Variants in DGKB observed in about 807,000 individuals in gnomAD.
DGKB encodes 90 kDa diacylglycerol kinase.
A neutral mutation model predicts 114.3 loss-of-function variants in DGKB; 67 were observed. The observed-to-expected ratio is 0.59, with a 90% CI of 0.48 to 0.72. DGKB has a LOEUF of 0.72. Among genes scored for constraint, DGKB ranks in the 30% least tolerant of loss-of-function variants. The pLI is 0.00. For synonymous variants in DGKB, 398 were observed against 323.1 expected (o/e 1.23, Z -2.49); for missense variants, 907 against 975.2 (o/e 0.93, Z 0.93).
At chr7:14,698,391 A>G (rs1041070865) in intron 7 of DGKB, among the ~76,000 whole-genome samples, 1 of 152,140 alleles carries the variant, frequency 6.6e-6, no homozygotes, top group Non-Finnish European at 1.5e-5. Context: ...AGAAATTTTC[A>G]CCAGGAGAGG....
intron 23 of DGKB, among the ~76,000 whole-genome samples, chr7:14,310,706 T>C (rs1432985674): frequency 6.6e-6 from 1 of 152,184 alleles, no homozygotes; most frequent in Non-Finnish European, 1.5e-5. Flanking sequence ...AAGAACCTAA[T>C]AATACCAGGA....
At chr7:14,929,244 T>A (rs1466551611) in intron 1 of DGKB, among the ~76,000 whole-genome samples, 1 of 152,094 alleles carries the variant, frequency 6.6e-6, no homozygotes, top group Non-Finnish European at 1.5e-5. Context: ...TTTGGGTAGA[T>A]AACCAATAGT....
intron 1 of DGKB, among the ~76,000 whole-genome samples, chr7:14,912,114 T>C (rs1181733812): frequency 6.6e-6 from 1 of 152,178 alleles, no homozygotes; most frequent in Non-Finnish European, 1.5e-5. Flanking sequence ...GGCAACTTTG[T>C]TTCCAAGGCC....
chr7:14,243,965 A>T (rs1794038358), intron 23 of DGKB, among the ~76,000 whole-genome samples: 2 of 152,106 alleles, frequency 1.3e-5, no homozygotes, highest in Non-Finnish European at 2.9e-5. Flanking sequence ...TCTAAATCTA[A>T]ATCTAAATTT....
At position 14,187,299 on chromosome 7, in the gene DGKB, C is replaced by G. The variant is rs1783586488; in HGVS notation, c.2123-9148G>C. Among the ~76,000 whole-genome samples the G allele has an allele frequency of 2.0e-5, 3 of 152,282 alleles. No individual in the cohort carries two copies. The South Asian group carries it at 6.2e-4, about 32-fold the overall frequency. ...CCTGGCCCAACATCTGGTTCAGCAG[C>G]AGACAAACCTCCCTGGACAGATAGC... is the stretch of plus-strand genomic sequence containing the variant. On this transcript the variant is annotated intron_variant, in intron 23 of 25. Coordinates refer to ENST00000402815, the MANE Select transcript of DGKB (RefSeq NM_001350709.2).
chr7:14,258,039 T>C (rs538805183), intron 23 of DGKB, among the ~76,000 whole-genome samples: 2 of 152,280 alleles, frequency 1.3e-5, no homozygotes, highest in Admixed American at 6.5e-5. Flanking sequence ...GCCTAAACCC[T>C]TTTTCTTTAT....
intron 21 of DGKB, among the ~76,000 whole-genome samples, chr7:14,462,455 C>T (rs906837968): frequency 5.3e-5 from 8 of 152,112 alleles, no homozygotes; most frequent in African/African-American, 1.9e-4. Context: ...TTCCTATACA[C>T]CAATAATAGA....
At chr7:14,625,245 GA>G (rs1563715280) in intron 14 of DGKB, among the ~76,000 whole-genome samples, 2 of 152,170 alleles carry the variant, frequency 1.3e-5, no homozygotes, top group East Asian at 3.9e-4. Flanking sequence ...TTTCTTTGGG[GA>G]AAAATGCAAA....
intron 13 of DGKB, among the ~76,000 whole-genome samples, chr7:14,668,453 C>T (rs1046340438): frequency 6.6e-6 from 1 of 152,076 alleles, no homozygotes; most frequent in Non-Finnish European, 1.5e-5. Flanking sequence ...ACTCGGGCTC[C>T]ACTTCTAAAT....
chr7:14,486,117 A>G (rs1783769725), intron 20 of DGKB, among the ~76,000 whole-genome samples: 1 of 152,064 alleles, frequency 6.6e-6, no homozygotes, highest in African/African-American at 2.4e-5. Context: ...CACTCTTGTG[A>G]TTATGTTGCA....
chr7:14,335,782 C>T (rs528815488), intron 23 of DGKB, among the ~76,000 whole-genome samples: 1 of 151,998 alleles, frequency 6.6e-6, no homozygotes, highest in South Asian at 2.1e-4. Context: ...AGACAGAGTC[C>T]TTGCTCCATT....
In DGKB at chr7:14,231,548, A is replaced by T. The variant is rs189684799; in HGVS notation, c.2123-53397T>A. ...ATTTCTGCAGGAAAATAATTTCCAT[A>T]TTATAAAATTATGCATATTTTATGT... On this transcript the variant is annotated intron_variant, in intron 23 of 25. Coordinates refer to ENST00000402815, the MANE Select transcript of DGKB (RefSeq NM_001350709.2). Among the ~76,000 whole-genome samples the T allele has an allele frequency of 7.5e-3, 1,137 of 151,742 alleles. 9 individuals carry two copies. Among genetic ancestry groups the T allele is most frequent in the Non-Finnish European group, 0.011 (755 of 67,896 alleles).
At chr7:14,197,393 TA>T (rs370798048) in intron 23 of DGKB, among the ~76,000 whole-genome samples, 43 of 143,036 alleles carry the variant, frequency 3.0e-4, no homozygotes, top group African/African-American at 3.1e-4. Flanking sequence ...GAACAAACCG[TA>T]AAAAAAAAAA....
At chr7:14,169,771 A>C (rs1780572266) in intron 25 of DGKB, among the ~76,000 whole-genome samples, 1 of 152,142 alleles carries the variant, frequency 6.6e-6, no homozygotes, top group Non-Finnish European at 1.5e-5. Context: ...AAAAATAAAT[A>C]ATATAAATAA....
intron 21 of DGKB, among the ~76,000 whole-genome samples, chr7:14,476,862 C>G (rs1162585553): frequency 1.3e-5 from 2 of 150,670 alleles, no homozygotes; most frequent in African/African-American, 2.4e-5. Context: ...TCAAACGATT[C>G]TCCTGCCTCA....
At chr7:14,942,352 C>T (rs1785612625) in intron 1 of DGKB, among the ~76,000 whole-genome samples, 1 of 151,954 alleles carries the variant, frequency 6.6e-6, no homozygotes, top group Non-Finnish European at 1.5e-5. Context: ...ATATATTCAG[C>T]AACAGGATAC....
intron 1 of DGKB, among the ~76,000 whole-genome samples, chr7:14,881,419 G>C (rs530812653): frequency 1.1e-3 from 169 of 152,154 alleles, no homozygotes; most frequent in African/African-American, 3.9e-3. Flanking sequence ...CTCTCAACAA[G>C]TCATTTGCTT....
chr7:14,402,770 A>T (rs1177844681), intron 21 of DGKB, among the ~76,000 whole-genome samples: 1 of 151,912 alleles, frequency 6.6e-6, no homozygotes, highest in Non-Finnish European at 1.5e-5. Context: ...TATGATTAAC[A>T]TGTAAATCAG....
chr7:14,897,995 C>G (rs1468538129), intron 1 of DGKB, among the ~76,000 whole-genome samples: 1 of 151,870 alleles, frequency 6.6e-6, no homozygotes, highest in Non-Finnish European at 1.5e-5. Context: ...TAAGGTTGAA[C>G]CCCTTCCTCA....
Sources: allele counts gnomAD v4.1 joint callset (sites outside exome capture counted in the v4.1 genomes callset), GRCh38; gene constraint gnomAD v4.1.1; transcripts MANE v1.5; gene names NCBI Gene and HGNC (gene_info 2026-07-23, HGNC 2026-07-21).